The following JARID2 variants were observed in gnomAD, a reference collection of about 807,000 sequenced individuals.
JARID2 encodes protein Jumonji.
A neutral mutation model predicts 125.6 loss-of-function variants in JARID2; 21 were observed. That is an observed-to-expected ratio of 0.17 (90% confidence interval 0.12 to 0.24). The LOEUF is 0.24. JARID2 is among the 10% of genes least tolerant of loss of function. JARID2 has a pLI of 1.00. For synonymous variants in JARID2, 736 were observed against 661.6 expected (o/e 1.11, Z -1.73); for missense variants, 1,303 against 1,639.6 (o/e 0.79, Z 3.55).
chr6:15,280,672 A>G (rs1378289489), intron 1 of JARID2, among the ~76,000 whole-genome samples: 5 of 139,402 alleles, frequency 3.6e-5, no homozygotes, highest in Middle Eastern at 7.8e-3. Flanking sequence ...TCTGTTGCCC[A>G]GGCTGGAGTG....
At chr6:15,419,428 C>T (rs558249539) in intron 3 of JARID2, among the ~76,000 whole-genome samples, 2 of 152,246 alleles carry the variant, frequency 1.3e-5, no homozygotes, top group African/African-American at 4.8e-5. Context: ...TCTTCTGTTT[C>T]AAGTTATCTA....
At chr6:15,368,864 G>T in intron 1 of JARID2, 1 of 365,760 alleles carries the variant, frequency 2.7e-6, no homozygotes, top group African/African-American at 2.1e-5. Flanking sequence ...CTATTTTGCA[G>T]AGCAGAGCTT....
intron 3 of JARID2, among the ~76,000 whole-genome samples, chr6:15,444,114 G>A (rs1017521926): frequency 8.5e-5 from 13 of 152,080 alleles, no homozygotes; most frequent in African/African-American, 2.7e-4. Flanking sequence ...GGACCACTAG[G>A]GCTCCATCTC....
intron 1 of JARID2, among the ~76,000 whole-genome samples, chr6:15,349,024 A>G (rs1384788551): frequency 6.6e-6 from 1 of 152,236 alleles, no homozygotes; most frequent in African/African-American, 2.4e-5. Flanking sequence ...CTGTGTGTGT[A>G]TTAGGAAGGG....
intron 1 of JARID2, among the ~76,000 whole-genome samples, chr6:15,249,738 TG>T (rs1759366594): frequency 6.6e-6 from 1 of 152,052 alleles, no homozygotes; most frequent in South Asian, 2.1e-4. Flanking sequence ...GAGTTGGGGG[TG>T]CGATTGTCGA....
At chr6:15,482,784 T>C (rs1336652702) in intron 5 of JARID2, among the ~76,000 whole-genome samples, 1 of 152,262 alleles carries the variant, frequency 6.6e-6, no homozygotes, top group African/African-American at 2.4e-5. Flanking sequence ...CCTGTACCTG[T>C]ATCAGTGAAC....
At chr6:15,433,410 C>CTGTGTGTGTGTGTGTGTGTGTGTG (rs57296791) in intron 3 of JARID2, among the ~76,000 whole-genome samples, 5 of 143,428 alleles carry the variant, frequency 3.5e-5, no homozygotes, top group Non-Finnish European at 1.5e-5. Context: ...CCATGTCTCT[C>CTGTGTGTGTGTGTGTGTGTGTGTG]TGTGTGTGTG....
intron 3 of JARID2, among the ~76,000 whole-genome samples, chr6:15,414,061 C>T (rs1213018529): frequency 1.3e-5 from 2 of 152,108 alleles, no homozygotes; most frequent in African/African-American, 4.8e-5. Context: ...CTCTACACAT[C>T]CTTTTATGTG....
rs563752197 is a variant in JARID2 at position 15,296,340 on chromosome 6, C to T, written c.45+49756C>T. On this transcript the variant is annotated intron_variant, in intron 1 of 17. Coordinates refer to ENST00000341776, the MANE Select transcript of JARID2 (RefSeq NM_004973.4). ...AGACTGCAGCAGCAAATCAATATAA[C>T]ACGATATTCTCTGCATCTCTCAGAG... is the stretch of plus-strand genomic sequence containing the variant. Among the ~76,000 whole-genome samples the T allele has an allele frequency of 2.3e-4, 35 of 152,292 alleles. No homozygotes were observed. The East Asian group carries it at 6.6e-3, about 29-fold the overall frequency.
chr6:15,375,619 G>C (rs1272205805), intron 2 of JARID2, among the ~76,000 whole-genome samples: 1 of 152,216 alleles, frequency 6.6e-6, no homozygotes, highest in Non-Finnish European at 1.5e-5. Flanking sequence ...TTCGTTGCTT[G>C]TAATACAGTA....
At chr6:15,300,722 T>TGTGAGAGAGAGAGAGAGAGA (rs1246745065) in intron 1 of JARID2, among the ~76,000 whole-genome samples, 4 of 111,118 alleles carry the variant, frequency 3.6e-5, no homozygotes, top group Non-Finnish European at 7.4e-5. Context: ...TGTGTGTGTG[T>TGTGAGAGAGAGAGAGAGAGA]GAGAGAGAGA....
chr6:15,501,554 G>T, intron 8 of JARID2, 145 bp downstream of exon 8: 2 of 685,932 alleles, frequency 2.9e-6, no homozygotes, highest in Non-Finnish European at 4.7e-6. Context: ...GGGTGATAGC[G>T]CTGTATTAGT....
chr6:15,438,350 T>TCACC (rs1767301912), intron 3 of JARID2, among the ~76,000 whole-genome samples: 1 of 152,208 alleles, frequency 6.6e-6, no homozygotes, highest in Non-Finnish European at 1.5e-5. Flanking sequence ...CCAGTGCCTG[T>TCACC]CACCCACATC....
intron 1 of JARID2, among the ~76,000 whole-genome samples, chr6:15,303,225 A>C (rs1761697499): frequency 6.6e-6 from 1 of 152,234 alleles, no homozygotes; most frequent in Non-Finnish European, 1.5e-5. Context: ...ATGATGATGT[A>C]AGGCATTCAT....
At chr6:15,313,882 G>C (rs1027665820) in intron 1 of JARID2, among the ~76,000 whole-genome samples, 1 of 152,182 alleles carries the variant, frequency 6.6e-6, no homozygotes, top group Non-Finnish European at 1.5e-5. Context: ...TAGGAGAGTA[G>C]ACATTGGTAA....
At chr6:15,511,449 A>G in intron 13 of JARID2, 48 bp downstream of exon 13, 1 of 1,261,064 alleles carries the variant, frequency 7.9e-7, no homozygotes, top group Non-Finnish European at 1.2e-6. Flanking sequence ...AGGACCTCCT[A>G]GGCACTTGAA....
rs184398475 is a variant in JARID2 at position 15,343,216 on chromosome 6, C to A, written c.46-30901C>A. Among the ~76,000 whole-genome samples the A allele has an allele frequency of 2.0e-4, 15 of 74,700 alleles. No individual in the cohort carries two copies. In the East Asian group the frequency reaches 5.8e-3, roughly 29 times the overall value. The allele number at this position is 74,700 out of a possible 152,430, so 49.0% of individuals were successfully genotyped here. The stretch of plus-strand genomic sequence containing the variant: ...TGCACTCCAGCCTGGGCGACAAGAA[C>A]GAAACTCCGTCAAAAAAAAAAAAAA... On this transcript the variant is annotated intron_variant, in intron 1 of 17. Coordinates refer to ENST00000341776, the MANE Select transcript of JARID2 (RefSeq NM_004973.4).
chr6:15,302,065 G>C (rs1761643239), intron 1 of JARID2, among the ~76,000 whole-genome samples: 1 of 152,166 alleles, frequency 6.6e-6, no homozygotes. Context: ...GATGATTCCT[G>C]ATCTCAAGTC....
At chr6:15,308,384 A>C (rs1323715689) in intron 1 of JARID2, among the ~76,000 whole-genome samples, 1 of 152,174 alleles carries the variant, frequency 6.6e-6, no homozygotes, top group Non-Finnish European at 1.5e-5. Context: ...GTCACCAAGA[A>C]CTGGATGTTT....
Sources: allele counts gnomAD v4.1 joint callset (sites outside exome capture counted in the v4.1 genomes callset), GRCh38; gene constraint gnomAD v4.1.1; transcripts MANE v1.5; gene names NCBI Gene and HGNC (gene_info 2026-07-23, HGNC 2026-07-21).